The following C1RL variants were observed in gnomAD, a reference collection of about 807,000 sequenced individuals.
The protein encoded by C1RL is complement C1r subcomponent like.
C1RL carries 27 observed loss-of-function variants against 27.9 expected under a neutral mutation model. That is an observed-to-expected ratio of 0.97 (90% CI 0.71 to 1.33). The LOEUF (loss-of-function observed/expected upper bound fraction) is 1.33, where lower values mean the gene tolerates loss of function less well. Among genes scored for constraint, C1RL ranks in the 40% most tolerant of loss-of-function variants. The pLI is 0.00. For synonymous variants in C1RL, 248 were observed against 252.1 expected, an observed-to-expected ratio of 0.98 and a Z score of 0.15; for missense variants, 563 against 623.9, an observed-to-expected ratio of 0.90 and a Z score of 1.04.
At chr12:7,099,464 C>T (rs1163135349) in intron 5 of C1RL, 19 of 983,632 alleles carry the variant, frequency 1.9e-5, no homozygotes, top group African/African-American at 1.2e-4. Flanking sequence ...ATCTCATGAA[C>T]GTCCTTCATG....
chr12:7,096,336 C>T lies in C1RL; in HGVS notation c.*55G>A. 1 of 1,521,958 alleles carries T rather than the reference C, an allele frequency of 6.6e-7. No individual in the cohort carries two copies. The highest frequency in any genetic ancestry group is 8.8e-7 in the Non-Finnish European group (1 of 1,137,844). The allele number at this position is 1,521,958 out of a possible 1,614,324, so 94.3% of individuals were successfully genotyped here. On this transcript the variant is annotated 3_prime_UTR_variant, in exon 6 of 6. Coordinates refer to ENST00000266542, the MANE Select transcript of C1RL (RefSeq NM_016546.4). The stretch of plus-strand genomic sequence containing the variant: ...CAGTGTTCAGTCCTCACTCCAGGCC[C>T]TCTGTTGCCTGGGGCCTCCACTGTG...
intron 3 of C1RL, chr12:7,101,579 C>G: frequency 2.2e-6 from 1 of 457,128 alleles, no homozygotes; most frequent in Non-Finnish European, 4.0e-6. Context: ...CAGTATTTAT[C>G]TTTCAAAAAC....
intron 3 of C1RL, chr12:7,101,684 C>T: frequency 1.8e-6 from 1 of 570,002 alleles, no homozygotes; most frequent in Non-Finnish European, 3.2e-6. Context: ...AACACTGGGC[C>T]TGTAAATCTG....
chr12:7,108,229 A>ACC (rs35898229), intron 2 of C1RL, 22 bp downstream of exon 2: 219 of 1,550,214 alleles, frequency 1.4e-4, no homozygotes, highest in Non-Finnish European at 1.8e-4. Context: ...TCCTGGCGGG[A>ACC]CCCCCCCCAT....
At chr12:7,108,766 G>T in intron 1 of C1RL, 1 of 555,612 alleles carries the variant, frequency 1.8e-6, no homozygotes. Flanking sequence ...GTCCAAAGGA[G>T]GGGGGTGCTT....
At chr12:7,097,847 C>T (rs1479208235) in intron 5 of C1RL, among the ~76,000 whole-genome samples, 1 of 152,174 alleles carries the variant, frequency 6.6e-6, no homozygotes, top group African/African-American at 2.4e-5. Context: ...TGCCTCCTGC[C>T]TCAGTTTTGT....
intron 3 of C1RL, among the ~76,000 whole-genome samples, chr12:7,101,415 T>C (rs753389562): frequency 6.6e-6 from 1 of 151,598 alleles, no homozygotes; most frequent in African/African-American, 2.4e-5. Flanking sequence ...ACTACAGGTG[T>C]GCACCACCAT....
At position 7,101,888 on chromosome 12, in the gene C1RL, G is replaced by A. The variant is rs777102868; in HGVS notation, c.490+10C>T. On this transcript the variant is annotated intron_variant, in intron 3 of 5. Coordinates refer to ENST00000266542, the MANE Select transcript of C1RL (RefSeq NM_016546.4). ...GGCTCCCTCCCTGCACCCCCAGGAG[G>A]GACACTCACCCACGGTTTGGTAGAG... 6.4e-5 allele frequency: 103 copies of A among 1,613,690 alleles called. No homozygotes were observed. Among genetic ancestry groups the A allele is most frequent in the Non-Finnish European group, 8.6e-5 (101 of 1,179,718 alleles).
chr12:7,095,262 C>A lies in C1RL; in HGVS notation c.*1129G>T, dbSNP rs769163118. 1.1e-5 allele frequency: 8 copies of A among 728,106 alleles called. No individual in the cohort carries two copies. The African/African-American group carries it at 1.4e-4, about 13-fold the overall frequency. The allele number at this position is 728,106 out of a possible 1,614,324, so 45.1% of individuals were successfully genotyped here. Reference sequence around the variant, plus strand: ...TCCCGAGTAGCTGGGACTACAGGCACGTGTCACCACGCCCGGCTAATTTTT... The same window carrying A: ...TCCCGAGTAGCTGGGACTACAGGCAAGTGTCACCACGCCCGGCTAATTTTT... On this transcript the variant is annotated 3_prime_UTR_variant, in exon 6 of 6. Transcript: ENST00000266542.
At position 7,095,013 on chromosome 12, in the gene C1RL, C is replaced by T; in HGVS notation, c.*1378G>A. ...CCTTTGACCATATAGCAACTTGACT[C>T]TTGATGCTAACAAATTACCTCTCTT... On this transcript the variant is annotated 3_prime_UTR_variant, in exon 6 of 6. Coordinates refer to ENST00000266542, the MANE Select transcript of C1RL (RefSeq NM_016546.4). 1 of 1,113,632 alleles carries T rather than the reference C, an allele frequency of 9.0e-7. No homozygotes were observed. Among genetic ancestry groups the T allele is most frequent in the Non-Finnish European group, 1.1e-6 (1 of 903,260 alleles). 69.0% of individuals were successfully genotyped at this position (1,113,632 alleles called of 1,614,324 possible). A position where few individuals can be genotyped will look rare whatever the true frequency, so the allele number is the denominator to read the frequency against.
Position 7,095,953 on chromosome 12 carries a change from T to G in C1RL, c.*438A>C, listed in dbSNP as rs1426699637. On this transcript the variant is annotated 3_prime_UTR_variant, in exon 6 of 6. Transcript: ENST00000266542. ...GAATATTTGAAGGTCAACTAAAGGG[T>G]CTTAGGAATGTTTCAGAAATGCAAT... 1.0e-6 allele frequency: 1 copy of G among 992,350 alleles called. No individual in the cohort carries two copies. Among genetic ancestry groups the G allele is most frequent in the Admixed American group, 6.0e-5 (1 of 16,548 alleles). The allele number at this position is 992,350 out of a possible 1,614,324, so 61.5% of individuals were successfully genotyped here. A position where few individuals can be genotyped will look rare whatever the true frequency, so the allele number is the denominator to read the frequency against.
chr12:7,109,076 C>T (rs1358885061), intron 1 of C1RL, 34 bp downstream of exon 1: 2 of 1,533,946 alleles, frequency 1.3e-6, no homozygotes, highest in Admixed American at 3.8e-5. Flanking sequence ...CCCTCCCGTC[C>T]TCTTCCCTCC....
intron 2 of C1RL, 149 bp downstream of exon 2, chr12:7,108,102 A>C (rs1454021460): frequency 3.2e-6 from 2 of 615,802 alleles, no homozygotes; most frequent in East Asian, 3.1e-5. Flanking sequence ...GGGGTCCACC[A>C]CTGCTCCCCG....
At chr12:7,103,849 T>G (rs967012434) in intron 2 of C1RL, among the ~76,000 whole-genome samples, 5 of 152,212 alleles carry the variant, frequency 3.3e-5, no homozygotes, top group African/African-American at 9.7e-5. Context: ...ATTAAAAATC[T>G]CCATGATTTA....
chr12:7,108,318 G>A lies in C1RL; in HGVS notation c.233C>T (p.Ala78Val), dbSNP rs758789928. The A allele has an allele frequency of 1.2e-6, 2 of 1,614,240 alleles. No homozygotes were observed. Among genetic ancestry groups the A allele is most frequent in the South Asian group, 2.2e-5 (2 of 91,086 alleles). ...GAAGTCCTGGAAGACGAGCCTCACA[G>A]CAAAGCCCTCTGGAGCCTTGATGTC... ...STDIKAPEGF[A>V]VRLVFQDFDL... Residue 78 changes from alanine (A) to valine (V), a missense_variant, in exon 2 of 6, where the codon GCT (alanine) becomes GTT (valine). By Grantham distance (64) the Ala-to-Val change is moderately conservative. Coordinates refer to ENST00000266542, the MANE Select transcript of C1RL (RefSeq NM_016546.4).
At chr12:7,106,607 C>T (rs1328537945) in intron 2 of C1RL, among the ~76,000 whole-genome samples, 1 of 152,160 alleles carries the variant, frequency 6.6e-6, no homozygotes, top group Non-Finnish European at 1.5e-5. Flanking sequence ...GACCGATAGA[C>T]TGAAATTCAT....
At position 7,095,847 on chromosome 12, in the gene C1RL, G is replaced by T; in HGVS notation, c.*544C>A. ...GTATGAGGATTAAGTGAAATAACAG[G>T]TGAAGCACCTGGCATATAGAGGACA... On this transcript the variant is annotated 3_prime_UTR_variant, in exon 6 of 6. Coordinates refer to ENST00000266542, the MANE Select transcript of C1RL (RefSeq NM_016546.4). The T allele has an allele frequency of 1.2e-6, 1 of 846,680 alleles. No homozygotes were observed. The highest frequency in any genetic ancestry group is 1.4e-6 in the Non-Finnish European group (1 of 703,336). 52.4% of individuals were successfully genotyped at this position (846,680 alleles called of 1,614,324 possible).
Position 7,099,681 on chromosome 12 carries a change from C to A in C1RL, c.691+5G>T, listed in dbSNP as rs1692989525. On this transcript the variant is annotated splice_donor_5th_base_variant and intron_variant, in intron 5 of 5. Transcript: ENST00000266542. ...GGGGAATGGTGCTAGCAGGTGGCTA[C>A]TCACCAGGCATACACTGAAGAACCT... is the stretch of plus-strand genomic sequence containing the variant. 2.6e-6 allele frequency: 4 copies of A among 1,552,288 alleles called. No individual in the cohort carries two copies. Among genetic ancestry groups the A allele is most frequent in the Non-Finnish European group, 3.5e-6 (4 of 1,147,312 alleles).
At chr12:7,100,532 G>A (rs1050566261) in intron 3 of C1RL, among the ~76,000 whole-genome samples, 1 of 152,164 alleles carries the variant, frequency 6.6e-6, no homozygotes, top group Non-Finnish European at 1.5e-5. Flanking sequence ...GGTGGCTCAC[G>A]GCTGTAATCC....
Sources: allele counts gnomAD v4.1 joint callset (sites outside exome capture counted in the v4.1 genomes callset), GRCh38; gene constraint gnomAD v4.1.1; transcripts MANE v1.5; gene names NCBI Gene and HGNC (gene_info 2026-07-23, HGNC 2026-07-21).